RFTN1: variants seen among roughly 807,000 people sequenced by gnomAD.
RFTN1 encodes raftlin.
In RFTN1, 26 loss-of-function variants were observed where a neutral mutation model predicts 46.5. The observed-to-expected ratio is 0.56, with a 90% CI of 0.41 to 0.78. The LOEUF is 0.78. RFTN1 is among the 30% of genes least tolerant of loss of function. The pLI is 0.00. For missense variants in RFTN1, 693 were observed against 718.7 expected, an observed-to-expected ratio of 0.96 and a Z score of 0.41; for synonymous variants, 261 against 284.2, an observed-to-expected ratio of 0.92 and a Z score of 0.82.
rs914947486 is a variant in RFTN1 at position 16,451,742 on chromosome 3, C to A, written c.146-17705G>T. On this transcript the variant is annotated intron_variant, in intron 2 of 9. Coordinates refer to ENST00000334133, the MANE Select transcript of RFTN1 (RefSeq NM_015150.2). This position sits in a 1 kb window ranked among gnomAD's most constrained non-coding sequence, Gnocchi z 4.2. ...AAAACTACTAGCGTGATTTTTTTTT[C>A]CTTCCTCACAATTTCATAGATGGAA... Among the ~76,000 whole-genome samples, 6 of 151,552 alleles carry A rather than the reference C, an allele frequency of 4.0e-5. No homozygotes were observed. The highest frequency in any genetic ancestry group is 1.5e-4 in the African/African-American group (6 of 41,262).
rs868529800 is a variant in RFTN1, at chr3:16,443,094, T to C, written c.146-9057A>G. Among the ~76,000 whole-genome samples the C allele has an allele frequency of 5.3e-5, 8 of 152,366 alleles. No individual in the cohort carries two copies. Among genetic ancestry groups the C allele is most frequent in the Non-Finnish European group, 7.3e-5 (5 of 68,036 alleles). On this transcript the variant is annotated intron_variant, in intron 2 of 9. Coordinates refer to ENST00000334133, the MANE Select transcript of RFTN1 (RefSeq NM_015150.2). This position sits in a 1 kb window ranked among gnomAD's most constrained non-coding sequence, Gnocchi z 5.5. ...TTTCCTTTGGAGAAATACCCAGTAA[T>C]GGGATTGCTAGATCATAGGATATTT...
At position 16,498,934 on chromosome 3, in the gene RFTN1, T is replaced by C. The variant is rs1157810051; in HGVS notation, c.-8-5057A>G. 6.6e-6 allele frequency among the ~76,000 whole-genome samples: 1 copy of C among 152,330 alleles called. No individual in the cohort carries two copies. Among genetic ancestry groups the C allele is most frequent in the East Asian group, 1.9e-4 (1 of 5,190 alleles). On this transcript the variant is annotated intron_variant, in intron 1 of 9. Transcript: ENST00000334133. This position sits in a 1 kb window ranked among gnomAD's most constrained non-coding sequence, Gnocchi z 5.2. ...GTAGAGTTTTGTAGACTATATTATT[T>C]ACCATGTGACATTCCCAAACCATGC... is the stretch of plus-strand genomic sequence containing the variant.
chr3:16,493,914 T>C, intron 1 of RFTN1, 37 bp from the exon 2 acceptor site: 2 of 1,611,240 alleles, frequency 1.2e-6, no homozygotes, highest in Non-Finnish European at 1.7e-6. Context: ...AGGTGATTTT[T>C]TTCTGAGATT....
chr3:16,482,081 G>T (rs902072850), intron 2 of RFTN1, among the ~76,000 whole-genome samples: 1 of 152,114 alleles, frequency 6.6e-6, no homozygotes, highest in Admixed American at 6.5e-5. Context: ...CCTAAGGAAA[G>T]TGGTCACCAA....
chr3:16,326,082 A>G (rs1181653115), intron 8 of RFTN1, among the ~76,000 whole-genome samples: 1 of 152,244 alleles, frequency 6.6e-6, no homozygotes, highest in Non-Finnish European at 1.5e-5. Context: ...CAAAATGGGA[A>G]TCATATCCAT....
intron 2 of RFTN1, chr3:16,434,576 A>T (rs181482077): frequency 6.5e-6 from 1 of 152,794 alleles, no homozygotes; most frequent in East Asian, 1.9e-4. Flanking sequence ...AAAATAAAAT[A>T]ATAATGGACT....
In RFTN1 at chr3:16,352,605, C is replaced by T. The variant is rs2072175879; in HGVS notation, c.1146+5327G>A. On this transcript the variant is annotated intron_variant, in intron 7 of 9. Coordinates refer to ENST00000334133, the MANE Select transcript of RFTN1 (RefSeq NM_015150.2). The surrounding 1 kb of genome is among the most constrained non-coding windows in gnomAD (Gnocchi z 4.6). ...TCTACAGGTTCCCTAGCCCAACCTCCTCTGTGCTTTTAGCATAAAACGAAG... is the reference window on the plus strand; with the variant it reads ...TCTACAGGTTCCCTAGCCCAACCTCTTCTGTGCTTTTAGCATAAAACGAAG... Among the ~76,000 whole-genome samples, 1 of 152,204 alleles carries T rather than the reference C, an allele frequency of 6.6e-6. No individual in the cohort carries two copies. The highest frequency in any genetic ancestry group is 2.4e-5 in the African/African-American group (1 of 41,454).
At chr3:16,372,228 TGAAGAGCATG>T (rs1476256124) in intron 5 of RFTN1, among the ~76,000 whole-genome samples, 2 of 152,174 alleles carry the variant, frequency 1.3e-5, no homozygotes, top group African/African-American at 2.4e-5. Context: ...ATGAGTGCAC[TGAAGAGCATG>T]TTACCACTGG....
At chr3:16,463,037 G>A (rs1362997335) in intron 2 of RFTN1, among the ~76,000 whole-genome samples, 2 of 152,244 alleles carry the variant, frequency 1.3e-5, no homozygotes, top group East Asian at 3.8e-4. Context: ...GCCTGATCCT[G>A]TAATGGTTCT....
intron 7 of RFTN1, among the ~76,000 whole-genome samples, chr3:16,332,038 A>T (rs1213338784): frequency 5.4e-5 from 8 of 149,348 alleles, no homozygotes; most frequent in Non-Finnish European, 1.0e-4. Flanking sequence ...AGTTTTTAGG[A>T]TTTTTTTTTT....
chr3:16,404,314 TATATATAATATATA>T (rs1359290133), intron 4 of RFTN1, among the ~76,000 whole-genome samples: 1 of 12,814 alleles, frequency 7.8e-5, no homozygotes, highest in African/African-American at 5.9e-4. Context: ...TAATATATAT[TATATATAATATATA>T]ATATATAATA....
chr3:16,317,050 G>A lies in RFTN1; in HGVS notation c.1515C>T (p.Ser505=), dbSNP rs765308367. The change falls in exon 10 of 10, where the codon TCC becomes TCT. Residue 505 remains serine (S), a synonymous_variant. Coordinates refer to ENST00000334133, the MANE Select transcript of RFTN1 (RefSeq NM_015150.2). This position sits in a 1 kb window ranked among gnomAD's most constrained non-coding sequence, Gnocchi z 4.3. ...CTTGGACAGGGCCCTTCATCTCCTC[G>A]GAGACTCCACCCTCCTGCTGCTGTC... ...VSGQQQEGGV[S]EEMKGPVQED... is the part of the protein sequence containing the mutation. 3.6e-5 allele frequency: 58 copies of A among 1,613,466 alleles called. No individual in the cohort carries two copies. Among genetic ancestry groups the A allele is most frequent in the Middle Eastern group, 3.3e-4 (2 of 6,082 alleles).
rs1356367014 is a variant in RFTN1, at chr3:16,380,008, T to C, written c.442-1906A>G. On this transcript the variant is annotated intron_variant, in intron 4 of 9. Transcript: ENST00000334133. The surrounding 1 kb of genome is among the most constrained non-coding windows in gnomAD (Gnocchi z 4.8). ...AGGAGACACCTGCACTAGCTTCTGC[T>C]ATTACTCTCTTACTGCAGAGGAAAC... 6.6e-6 allele frequency among the ~76,000 whole-genome samples: 1 copy of C among 152,210 alleles called. No homozygotes were observed.
chr3:16,326,199 TGA>T (rs1440913687), intron 8 of RFTN1, among the ~76,000 whole-genome samples: 1 of 152,228 alleles, frequency 6.6e-6, no homozygotes, highest in East Asian at 1.9e-4. Context: ...TAAGCAGAGC[TGA>T]GAGTGGACAA....
chr3:16,449,919 C>A lies in RFTN1; in HGVS notation c.146-15882G>T, dbSNP rs1362583500. On this transcript the variant is annotated intron_variant, in intron 2 of 9. Transcript: ENST00000334133. This position sits in a 1 kb window ranked among gnomAD's most constrained non-coding sequence, Gnocchi z 5.1. The stretch of plus-strand genomic sequence containing the variant: ...AGAGAGCTGGTTCTAGAAAATGGCC[C>A]CATCTCTAGAAGTGACCAGGAAGCA... Among the ~76,000 whole-genome samples, 1 of 152,130 alleles carries A rather than the reference C, an allele frequency of 6.6e-6. No individual in the cohort carries two copies. Among genetic ancestry groups the A allele is most frequent in the Non-Finnish European group, 1.5e-5 (1 of 68,024 alleles).
At chr3:16,456,162 C>G (rs1009991874) in intron 2 of RFTN1, among the ~76,000 whole-genome samples, 4 of 152,118 alleles carry the variant, frequency 2.6e-5, no homozygotes, top group African/African-American at 9.7e-5. Flanking sequence ...CTTAAGACCT[C>G]GAAGCAGAGT....
rs1559806164 is a variant in RFTN1, at chr3:16,322,330, C to T, written c.1332+1046G>A. Among the ~76,000 whole-genome samples the T allele has an allele frequency of 2.0e-5, 3 of 152,220 alleles. No individual in the cohort carries two copies. Among genetic ancestry groups the T allele is most frequent in the African/African-American group, 7.2e-5 (3 of 41,460 alleles). On this transcript the variant is annotated intron_variant, in intron 9 of 9. Coordinates refer to ENST00000334133, the MANE Select transcript of RFTN1 (RefSeq NM_015150.2). The surrounding 1 kb of genome is among the most constrained non-coding windows in gnomAD (Gnocchi z 6.2). ...TTGGCACTCCTTCCACAAGTGGGCT[C>T]CCCCTGGAGTTGTTGGCTGGTGAGG...
At chr3:16,354,985 T>TG (rs1423765130) in intron 7 of RFTN1, among the ~76,000 whole-genome samples, 21 of 152,208 alleles carry the variant, frequency 1.4e-4, no homozygotes, top group Non-Finnish European at 1.5e-5. Context: ...TCCAATACCT[T>TG]GTTCCTCATT....
intron 1 of RFTN1, among the ~76,000 whole-genome samples, chr3:16,508,759 T>C (rs2076851989): frequency 6.6e-6 from 1 of 151,914 alleles, no homozygotes; most frequent in South Asian, 2.1e-4. Flanking sequence ...AACATCTGGC[T>C]AAATGTATCC....
Sources: allele counts gnomAD v4.1 joint callset (sites outside exome capture counted in the v4.1 genomes callset), GRCh38; gene constraint gnomAD v4.1.1; non-coding constraint Gnocchi (gnomAD v3.1); transcripts MANE v1.5; gene names NCBI Gene and HGNC (gene_info 2026-07-23, HGNC 2026-07-21).